Variants in DHX29 observed in about 807,000 individuals in gnomAD.
DHX29 encodes the protein DExH-box helicase 29.
Under a neutral mutation model 167.9 loss-of-function variants are expected in DHX29, and 79 were observed. The ratio of observed to expected loss-of-function variants is 0.47; its 90% CI spans 0.39 to 0.57. The LOEUF is 0.57. Ranked by LOEUF, DHX29 falls within the 20% of genes least tolerant of loss-of-function variation. DHX29 has a pLI of 0.00. For missense variants in DHX29, 1,347 were observed against 1,593.4 expected, an observed-to-expected ratio of 0.85 and a Z score of 2.63; for synonymous variants, 530 against 546.0, an observed-to-expected ratio of 0.97 and a Z score of 0.41.
At chr5:55,275,580 C>T (rs1366172907) in intron 14 of DHX29, among the ~76,000 whole-genome samples, 1 of 152,154 alleles carries the variant, frequency 6.6e-6, no homozygotes, top group Non-Finnish European at 1.5e-5. Context: ...AAATTGGAAA[C>T]ATGCATGAAA....
chr5:55,288,167 C>T (rs1027033962), intron 8 of DHX29, among the ~76,000 whole-genome samples: 6 of 151,746 alleles, frequency 4.0e-5, no homozygotes, highest in Non-Finnish European at 5.9e-5. Context: ...CACTTGAACC[C>T]GGGAGATGGA....
chr5:55,258,849 G>A (rs376939523), intron 26 of DHX29, among the ~76,000 whole-genome samples: 1 of 152,126 alleles, frequency 6.6e-6, no homozygotes, highest in Admixed American at 6.6e-5. Flanking sequence ...CACCATGCCC[G>A]GCTCATTTCA....
chr5:55,279,905 G>T (rs547168729), intron 12 of DHX29, among the ~76,000 whole-genome samples: 8 of 151,904 alleles, frequency 5.3e-5, no homozygotes, highest in Non-Finnish European at 8.8e-5. Flanking sequence ...AATAAGGATA[G>T]AACATAAAAT....
intron 12 of DHX29, among the ~76,000 whole-genome samples, chr5:55,278,129 T>C (rs1044624960): frequency 1.3e-5 from 2 of 152,096 alleles, no homozygotes; most frequent in African/African-American, 2.4e-5. Context: ...CACATGCATC[T>C]TAGGGAAGAG....
chr5:55,272,056 A>T, intron 18 of DHX29, 31 bp downstream of exon 18: 1 of 1,346,664 alleles, frequency 7.4e-7, no homozygotes, highest in South Asian at 1.3e-5. Flanking sequence ...TCCAGGTTAA[A>T]AATGTTTTGA....
chr5:55,267,233 T>C lies in DHX29; in HGVS notation c.3432-2A>G, dbSNP rs768506280. 6.2e-7 allele frequency: 1 copy of C among 1,607,092 alleles called. No homozygotes were observed. Among genetic ancestry groups the C allele is most frequent in the Non-Finnish European group, 8.5e-7 (1 of 1,174,818 alleles). ...CCTTCTTGTCGTGCTTTCTTCCATCTAGATAAATAAAATGTCAATTAATGA... is the reference window on the plus strand; with the variant it reads ...CCTTCTTGTCGTGCTTTCTTCCATCCAGATAAATAAAATGTCAATTAATGA... On this transcript the variant is annotated splice_acceptor_variant, in intron 22 of 26. Transcript: ENST00000251636. LOFTEE classifies it high-confidence loss of function.
At position 55,296,367 on chromosome 5, in the gene DHX29, A is replaced by T. The variant is rs759357164; in HGVS notation, c.376-18T>A. ...TATAAATCCTATGACAAGCAAATAT[A>T]AAAAAAGTCACATTTGTCAAAGTTC... On this transcript the variant is annotated intron_variant, in intron 3 of 26. Transcript: ENST00000251636. 8.7e-6 allele frequency: 14 copies of T among 1,600,402 alleles called. No homozygotes were observed. In the East Asian group the frequency reaches 1.6e-4, roughly 18 times the overall value.
At position 55,306,545 on chromosome 5, in the gene DHX29, T is replaced by C. The variant is rs113814892; in HGVS notation, c.187+842A>G. Among the ~76,000 whole-genome samples, 363 of 152,310 alleles carry C rather than the reference T, an allele frequency of 2.4e-3. 2 individuals carry two copies. Among genetic ancestry groups the C allele is most frequent in the Middle Eastern group, 0.024 (7 of 294 alleles). On this transcript the variant is annotated intron_variant, in intron 1 of 26. Transcript: ENST00000251636. ...AAATATGTCTGTGTGCGTTACCTAT[T>C]AGTTAATACCTATCTCTGACATTAG...
At chr5:55,258,059 T>C (rs969886103) in intron 26 of DHX29, among the ~76,000 whole-genome samples, 8 of 152,300 alleles carry the variant, frequency 5.3e-5, no homozygotes, top group Middle Eastern at 3.4e-3. Flanking sequence ...TAGAACTAGA[T>C]CAGTAGCTCC....
In DHX29 at chr5:55,269,307, A is replaced by T; in HGVS notation, c.3294+106T>A. ...TCTCGGTTTTAATGTTCGTATAGAC[A>T]TTCTATTTAGTTAAAAAAATTTTTA... On this transcript the variant is annotated intron_variant, in intron 21 of 26. Coordinates refer to ENST00000251636, the MANE Select transcript of DHX29 (RefSeq NM_019030.4). 5 of 1,045,110 alleles carry T rather than the reference A, an allele frequency of 4.8e-6. No individual in the cohort carries two copies. In the Admixed American group the frequency reaches 1.2e-4, roughly 26 times the overall value. The allele number at this position is 1,045,110 out of a possible 1,614,324, so 64.7% of individuals were successfully genotyped here.
chr5:55,265,749 T>C lies in DHX29; in HGVS notation c.3525+1389A>G, dbSNP rs74472159. ...TGTATCTTTGATGGTATTAAGGAAT[T>C]GAGTATTTTTAGGTGTGATAATGTT... On this transcript the variant is annotated intron_variant, in intron 23 of 26. Transcript: ENST00000251636. 4.0e-3 allele frequency among the ~76,000 whole-genome samples: 607 copies of C among 151,798 alleles called. 4 individuals are homozygous for C. Among genetic ancestry groups the C allele is most frequent in the African/African-American group, 0.014 (578 of 41,364 alleles).
In DHX29 at chr5:55,269,617, A is replaced by G; in HGVS notation, c.3090T>C (p.Pro1030=). 1 of 1,613,758 alleles carries G rather than the reference A, an allele frequency of 6.2e-7. No individual in the cohort carries two copies. The highest frequency in any genetic ancestry group is 8.5e-7 in the Non-Finnish European group (1 of 1,179,678). ...LHIMKCNLGS[P]EDFLSKALDP... ...CTAAGGCTTTGGAGAGGAAATCTTC[A>G]GGAGAACCAAGATTACATTTCTGCA... Residue 1030 remains proline, a synonymous_variant, in exon 21 of 27, where the codon CCT becomes CCC. Coordinates refer to ENST00000251636, the MANE Select transcript of DHX29 (RefSeq NM_019030.4).
At chr5:55,305,163 C>T (rs1475978585) in intron 1 of DHX29, among the ~76,000 whole-genome samples, 1 of 152,164 alleles carries the variant, frequency 6.6e-6, no homozygotes, top group Non-Finnish European at 1.5e-5. Context: ...ATATATAAAA[C>T]ATATAATTCT....
At chr5:55,282,697 T>C (rs562750725) in intron 11 of DHX29, among the ~76,000 whole-genome samples, 1 of 152,234 alleles carries the variant, frequency 6.6e-6, no homozygotes, top group African/African-American at 2.4e-5. Flanking sequence ...TTGCATATAC[T>C]TGCATGGCAA....
Position 55,305,126 on chromosome 5 carries a change from T to A in DHX29, c.187+2261A>T, listed in dbSNP as rs538460301. Among the ~76,000 whole-genome samples, 364 of 152,350 alleles carry A rather than the reference T, an allele frequency of 2.4e-3. 2 individuals carry two copies. The highest frequency in any genetic ancestry group is 0.024 in the Middle Eastern group (7 of 294). On this transcript the variant is annotated intron_variant, in intron 1 of 26. Coordinates refer to ENST00000251636, the MANE Select transcript of DHX29 (RefSeq NM_019030.4). ...AAATGTTAACACATATCCATAAAAC[T>A]GTTCCTACCTCCTGTAATTTTGTTG...
In DHX29 at chr5:55,289,416, A is replaced by G. The variant is rs775273911; in HGVS notation, c.920T>C (p.Leu307Ser). Reference sequence around the variant, plus strand: ...TGGGTTAAATACTGGATGGTCTTCTAAAGTTTCCATTTCTACCAAGAAAAA... The same window carrying G: ...TGGGTTAAATACTGGATGGTCTTCTGAAGTTTCCATTTCTACCAAGAAAAA... ...IRKFQREMET[L>S]EDHPVFNPAM... is the part of the protein sequence containing the mutation. The change falls in exon 8 of 27, where the codon TTA becomes TCA. Residue 307 changes from leucine (L) to serine (S), a missense_variant. Around this residue, in one of 3 missense-constraint regions of DHX29, gnomAD observed 405 missense variants for 416.8 expected, o/e 0.97. Transcript: ENST00000251636. The G allele has an allele frequency of 3.2e-6, 5 of 1,541,460 alleles. No homozygotes were observed. The highest frequency in any genetic ancestry group is 2.4e-5 in the Admixed American group (1 of 42,310).
intron 4 of DHX29, 107 bp downstream of exon 4, chr5:55,296,113 A>C: frequency 8.3e-7 from 1 of 1,210,660 alleles, no homozygotes; most frequent in Non-Finnish European, 1.1e-6. Flanking sequence ...TTAAAAGTAA[A>C]TAATTATGAC....
chr5:55,296,114 T>C, intron 4 of DHX29, 106 bp downstream of exon 4: 1 of 1,213,050 alleles, frequency 8.2e-7, no homozygotes, highest in Non-Finnish European at 1.1e-6. Context: ...TAAAAGTAAA[T>C]AATTATGACA....
intron 10 of DHX29, among the ~76,000 whole-genome samples, chr5:55,284,340 T>C (rs1006737965): frequency 6.6e-6 from 1 of 152,238 alleles, no homozygotes; most frequent in Admixed American, 6.5e-5. Context: ...TGTATAATGT[T>C]ACAGGTTAAA....
Sources: allele counts gnomAD v4.1 joint callset (sites outside exome capture counted in the v4.1 genomes callset), GRCh38; gene constraint gnomAD v4.1.1; regional missense constraint gnomAD v4.1.1; transcripts MANE v1.5; gene names NCBI Gene and HGNC (gene_info 2026-07-23, HGNC 2026-07-21).